The following ADAM12 variants were observed in gnomAD, a reference collection of about 807,000 sequenced individuals.
ADAM12 encodes the protein disintegrin and metalloproteinase domain-containing protein 12.
In ADAM12, 70 loss-of-function variants were observed where a neutral mutation model predicts 106.4. The observed-to-expected ratio is 0.66, with a 90% CI of 0.54 to 0.80. ADAM12 has a LOEUF of 0.80. Ranked by LOEUF, ADAM12 falls within the 30% of genes least tolerant of loss-of-function variation. ADAM12 has a pLI of 0.00. For synonymous variants in ADAM12, 420 were observed against 433.5 expected (o/e 0.97, Z 0.39); for missense variants, 1,010 against 1,171.9 (o/e 0.86, Z 2.02).
At chr10:126,259,400 C>T (rs1210286706) in intron 3 of ADAM12, among the ~76,000 whole-genome samples, 1 of 152,122 alleles carries the variant, frequency 6.6e-6, no homozygotes, top group Admixed American at 6.5e-5. Flanking sequence ...TGAGCTATAG[C>T]CCTTGTGGCT....
chr10:126,048,521 T>G (rs1164813514), intron 16 of ADAM12, among the ~76,000 whole-genome samples: 1 of 152,128 alleles, frequency 6.6e-6, no homozygotes, highest in Non-Finnish European at 1.5e-5. Context: ...CTCTGTCTTT[T>G]CTTGCCTGTG....
intron 3 of ADAM12, among the ~76,000 whole-genome samples, chr10:126,178,225 C>A (rs1170719654): frequency 6.6e-6 from 1 of 150,666 alleles, no homozygotes; most frequent in East Asian, 2.0e-4. Context: ...AAAAAAAAAT[C>A]CCCATATTGT....
chr10:126,194,869 C>T (rs764896154), intron 3 of ADAM12, among the ~76,000 whole-genome samples: 4 of 152,192 alleles, frequency 2.6e-5, no homozygotes, highest in Non-Finnish European at 4.4e-5. Flanking sequence ...AAAACTTTGT[C>T]TCAACGGGAT....
chr10:126,204,475 C>T (rs924953028), intron 3 of ADAM12, among the ~76,000 whole-genome samples: 29 of 152,204 alleles, frequency 1.9e-4, no homozygotes, highest in Admixed American at 5.9e-4. Context: ...CTCCTCATTG[C>T]TGAGTCACTC....
chr10:126,268,785 G>A (rs996945771), intron 3 of ADAM12, among the ~76,000 whole-genome samples: 11 of 152,002 alleles, frequency 7.2e-5, no homozygotes, highest in African/African-American at 2.7e-4. Context: ...GGCCTCCTGG[G>A]GCATGATACT....
chr10:126,063,149 G>A (rs1463823631), intron 14 of ADAM12, among the ~76,000 whole-genome samples: 1 of 152,208 alleles, frequency 6.6e-6, no homozygotes, highest in African/African-American at 2.4e-5. Flanking sequence ...AGTACTAAGG[G>A]CCCGGGAACT....
intron 2 of ADAM12, among the ~76,000 whole-genome samples, chr10:126,289,247 C>T (rs1311877892): frequency 1.3e-5 from 2 of 152,356 alleles, no homozygotes; most frequent in Middle Eastern, 3.4e-3. Context: ...CCTCCTCAGA[C>T]CTCTGCTGCC....
In ADAM12 at chr10:126,144,152, AC is replaced by A. The variant is rs201010788; in HGVS notation, c.340-8493del. On this transcript the variant is annotated intron_variant, in intron 4 of 22. Transcript: ENST00000448723. ...AATTCTGCAGAGAGAACAAACGCTT[AC>A]AAAATCATGTTCATAGTCTTTGAGA... 5.4e-4 allele frequency among the ~76,000 whole-genome samples: 83 copies of A among 152,322 alleles called. 1 individual carries two copies. The East Asian group carries it at 0.016, about 29-fold the overall frequency.
intron 2 of ADAM12, among the ~76,000 whole-genome samples, chr10:126,318,807 G>T (rs1181930921): frequency 3.3e-5 from 5 of 152,206 alleles, no homozygotes; most frequent in Admixed American, 3.3e-4. Flanking sequence ...TTAAAGGAAG[G>T]AGATTTAATT....
At chr10:126,188,150 T>C (rs572180479) in intron 3 of ADAM12, among the ~76,000 whole-genome samples, 1 of 152,186 alleles carries the variant, frequency 6.6e-6, no homozygotes, top group Non-Finnish European at 1.5e-5. Context: ...TCCTCCCAAC[T>C]CAGGTTCCCA....
intron 3 of ADAM12, among the ~76,000 whole-genome samples, chr10:126,169,449 C>A (rs1430990726): frequency 6.6e-6 from 1 of 152,096 alleles, no homozygotes; most frequent in Admixed American, 6.5e-5. Context: ...ATGTCTGGAA[C>A]TTAGTAGATG....
rs998702397 is a variant in ADAM12 at position 126,016,278 on chromosome 10, G to A, written c.*1001C>T. 1.3e-5 allele frequency: 2 copies of A among 152,140 alleles called. No individual in the cohort carries two copies. Among genetic ancestry groups the A allele is most frequent in the Non-Finnish European group, 1.5e-5 (1 of 68,026 alleles). 9.4% of individuals were successfully genotyped at this position (152,140 alleles called of 1,614,324 possible). On this transcript the variant is annotated 3_prime_UTR_variant, in exon 23 of 23. Transcript: ENST00000448723. ...TGCAGTAAACAGACTTGATTGACTA[G>A]ATCTGGTTAATGGTTCACATCTGAA...
chr10:126,213,734 G>A (rs1186573253), intron 3 of ADAM12, among the ~76,000 whole-genome samples: 1 of 152,190 alleles, frequency 6.6e-6, no homozygotes, highest in Admixed American at 6.5e-5. Context: ...AGCTCCCAGT[G>A]ATGCCAAAAG....
intron 1 of ADAM12, among the ~76,000 whole-genome samples, chr10:126,341,747 T>C (rs536391616): frequency 1.4e-4 from 22 of 152,316 alleles, no homozygotes; most frequent in African/African-American, 5.3e-4. Flanking sequence ...GCCTGCTTCA[T>C]TAGCTGAGGG....
chr10:126,126,823 G>T (rs1235025736), intron 5 of ADAM12, among the ~76,000 whole-genome samples: 1 of 151,990 alleles, frequency 6.6e-6, no homozygotes, highest in Non-Finnish European at 1.5e-5. Flanking sequence ...ATAGGTTACA[G>T]AAATCTCCCT....
chr10:126,335,009 G>T (rs930547631), intron 1 of ADAM12, among the ~76,000 whole-genome samples: 3 of 152,328 alleles, frequency 2.0e-5, no homozygotes, highest in Middle Eastern at 3.4e-3. Flanking sequence ...GGTTAAGGGA[G>T]CTCAAATAAG....
At chr10:126,330,305 A>T in intron 2 of ADAM12, 107 bp downstream of exon 2, 1 of 919,026 alleles carries the variant, frequency 1.1e-6, no homozygotes, top group Non-Finnish European at 1.6e-6. Context: ...GGATAGAGTT[A>T]GCATTAAAGT....
chr10:126,342,191 T>C (rs1173873919), intron 1 of ADAM12, among the ~76,000 whole-genome samples: 1 of 152,154 alleles, frequency 6.6e-6, no homozygotes, highest in Non-Finnish European at 1.5e-5. Flanking sequence ...CTGCAATGAT[T>C]GGAATCACAA....
intron 1 of ADAM12, among the ~76,000 whole-genome samples, chr10:126,338,531 C>T (rs954068467): frequency 6.6e-5 from 10 of 152,210 alleles, no homozygotes; most frequent in East Asian, 1.9e-4. Flanking sequence ...GGATTACAGG[C>T]GTGAGCCACC....
Sources: gnomAD v4.1 joint callset for allele counts (sites outside exome capture counted in the v4.1 genomes callset) on GRCh38, gnomAD v4.1.1 for gene constraint, MANE v1.5 for transcripts, NCBI Gene and HGNC (gene_info 2026-07-23, HGNC 2026-07-21) for gene names.